The following TTC3 variants were observed in gnomAD, a reference collection of about 807,000 sequenced individuals.
The protein encoded by TTC3 is E3 ubiquitin-protein ligase TTC3.
Under a neutral mutation model 249.6 loss-of-function variants are expected in TTC3, and 180 were observed. The ratio of observed to expected loss-of-function variants is 0.72; its 90% CI spans 0.64 to 0.82. TTC3 has a LOEUF of 0.82. Among genes scored for constraint, TTC3 ranks in the 40% least tolerant of loss-of-function variants. The pLI is 0.00. For synonymous variants in TTC3, 717 were observed against 805.0 expected, an observed-to-expected ratio of 0.89 and a Z score of 1.85; for missense variants, 2,061 against 2,398.4, an observed-to-expected ratio of 0.86 and a Z score of 2.94.
In TTC3 at chr21:37,160,876, TATTA is replaced by T. The variant is rs755485949; in HGVS notation, c.3096+22_3096+25del. ...ATTCAAAGGTATGGAGTATTTTCTG[TATTA>T]ATTCTTGTCTAAACTCTCCAAAATA... On this transcript the variant is annotated intron_variant, in intron 30 of 45. Coordinates refer to ENST00000355666, the Ensembl canonical transcript of TTC3. 2.5e-6 allele frequency: 4 copies of T among 1,609,650 alleles called. No homozygotes were observed.
At chr21:37,167,313 T>C (rs2148081004) in intron 33 of TTC3, among the ~76,000 whole-genome samples, 1 of 152,322 alleles carries the variant, frequency 6.6e-6, no homozygotes, top group Admixed American at 6.5e-5. Flanking sequence ...CCCCACTCAT[T>C]ATGTTTTCTA....
At chr21:37,153,912 G>C (rs78248870) in intron 27 of TTC3, among the ~76,000 whole-genome samples, 7,638 of 152,242 alleles carry the variant, frequency 0.05, 276 homozygotes, top group Middle Eastern at 0.11. Context: ...CCTAGGGTTG[G>C]ACTGAGCTGT....
At chr21:37,121,694 G>C in intron 11 of TTC3, 123 bp from the exon 12 acceptor site, 1 of 877,726 alleles carries the variant, frequency 1.1e-6, no homozygotes, top group African/African-American at 1.7e-5. Context: ...TTTTTCATTG[G>C]TAGGGACCTA....
intron 9 of TTC3, 35 bp from the exon 10 acceptor site, chr21:37,096,546 T>A (rs1224516417): frequency 6.7e-6 from 10 of 1,490,086 alleles, no homozygotes; most frequent in Middle Eastern, 1.7e-4. Flanking sequence ...TCATGTGTAA[T>A]GTGCTTTACT....
At chr21:37,078,714 T>C (rs1016434267) in intron 1 of TTC3, among the ~76,000 whole-genome samples, 8 of 152,192 alleles carry the variant, frequency 5.3e-5, no homozygotes, top group African/African-American at 1.7e-4. Context: ...CTTTGTGTTT[T>C]CTGTGTGGAT....
chr21:37,181,602 G>A (rs2082765773), intron 35 of TTC3, among the ~76,000 whole-genome samples: 1 of 152,198 alleles, frequency 6.6e-6, no homozygotes, highest in Non-Finnish European at 1.5e-5. Context: ...CTGAGCTGTT[G>A]TTCAATTTTT....
At chr21:37,073,333 C>CT in exon 1 of TTC3, 6 of 561,168 alleles carry the variant, frequency 1.1e-5, no homozygotes, top group Non-Finnish European at 1.3e-5. Flanking sequence ...CTGCTGCTGC[C>CT]CGCGTCCGAG....
intron 1 of TTC3, among the ~76,000 whole-genome samples, chr21:37,079,190 G>C (rs2071277803): frequency 6.6e-6 from 1 of 151,792 alleles, no homozygotes; most frequent in African/African-American, 2.4e-5. Context: ...TTAGATTTTT[G>C]TGTCTGTTTA....
At chr21:37,087,154 G>T in intron 1 of TTC3, 93 bp from the exon 2 acceptor site, 1 of 1,416,548 alleles carries the variant, frequency 7.1e-7, no homozygotes, top group Non-Finnish European at 9.6e-7. Context: ...TAGGTTCCAA[G>T]TATTTTTCTA....
chr21:37,175,742 T>A (rs886532431), intron 35 of TTC3, among the ~76,000 whole-genome samples: 8 of 151,928 alleles, frequency 5.3e-5, no homozygotes, highest in African/African-American at 1.9e-4. Context: ...AGTTATCTAT[T>A]CTCTGCCGGC....
chr21:37,106,582 G>A (rs1035373164), intron 10 of TTC3, among the ~76,000 whole-genome samples: 4 of 152,144 alleles, frequency 2.6e-5, no homozygotes, highest in Non-Finnish European at 5.9e-5. Context: ...TTAGTGTGAG[G>A]TAGTGTTCAA....
intron 20 of TTC3, among the ~76,000 whole-genome samples, chr21:37,141,667 C>T (rs1284047076): frequency 6.6e-6 from 1 of 152,062 alleles, no homozygotes; most frequent in Non-Finnish European, 1.5e-5. Context: ...ACTCAGGAGG[C>T]TGAGGCAGAA....
At chr21:37,116,539 T>C (rs1772438590) in intron 11 of TTC3, among the ~76,000 whole-genome samples, 1 of 152,168 alleles carries the variant, frequency 6.6e-6, no homozygotes, top group Non-Finnish European at 1.5e-5. Context: ...CCAGGCATGA[T>C]GGCTCACACC....
intron 39 of TTC3, among the ~76,000 whole-genome samples, chr21:37,189,783 T>G (rs980286711): frequency 6.6e-6 from 1 of 152,048 alleles, no homozygotes; most frequent in Non-Finnish European, 1.5e-5. Context: ...CCTCATCTTG[T>G]GATCCACCCA....
At chr21:37,081,400 G>A (rs919908616) in intron 1 of TTC3, among the ~76,000 whole-genome samples, 3 of 151,994 alleles carry the variant, frequency 2.0e-5, no homozygotes, top group African/African-American at 7.2e-5. Context: ...ACAGGCGTGA[G>A]CCACTGCACC....
intron 10 of TTC3, among the ~76,000 whole-genome samples, chr21:37,097,752 A>G (rs954950877): frequency 6.6e-6 from 1 of 152,160 alleles, no homozygotes; most frequent in South Asian, 2.1e-4. Context: ...GGGTTTCACA[A>G]ATACTTTTTT....
At chr21:37,109,072 C>T (rs1016669943) in intron 11 of TTC3, among the ~76,000 whole-genome samples, 9 of 152,076 alleles carry the variant, frequency 5.9e-5, no homozygotes, top group Admixed American at 1.3e-4. Flanking sequence ...GAAACTATTT[C>T]GGTAGGGGTG....
chr21:37,164,576 G>T (rs2047775662), intron 32 of TTC3, among the ~76,000 whole-genome samples: 1 of 152,108 alleles, frequency 6.6e-6, no homozygotes, highest in African/African-American at 2.4e-5. Flanking sequence ...GGCCTCAAGT[G>T]ATCTGCCTGC....
intron 23 of TTC3, among the ~76,000 whole-genome samples, chr21:37,149,246 A>G (rs188646266): frequency 1.3e-5 from 2 of 152,350 alleles, no homozygotes; most frequent in East Asian, 3.9e-4. Context: ...TCTGATCTAT[A>G]GAAACTATGG....
Sources: allele counts gnomAD v4.1 joint callset (sites outside exome capture counted in the v4.1 genomes callset), GRCh38; gene constraint gnomAD v4.1.1; transcripts MANE v1.5; gene names NCBI Gene and HGNC (gene_info 2026-07-23, HGNC 2026-07-21).